Variants in RIT2 observed in about 807,000 individuals in gnomAD.
The protein encoded by RIT2 is Ras like without CAAX 2.
In RIT2, 24 loss-of-function variants were observed where a neutral mutation model predicts 23.7. The observed-to-expected ratio is 1.01, with a 90% CI of 0.73 to 1.43. The LOEUF (loss-of-function observed/expected upper bound fraction) is 1.43. RIT2 is among the 40% of genes most tolerant of loss of function. The pLI is 0.00. For missense variants in RIT2, 236 were observed against 266.9 expected, an observed-to-expected ratio of 0.88 and a Z score of 0.81; for synonymous variants, 107 against 91.1, an observed-to-expected ratio of 1.17 and a Z score of -0.99.
chr18:42,892,551 G>C (rs550612811), intron 4 of RIT2, among the ~76,000 whole-genome samples: 2 of 152,184 alleles, frequency 1.3e-5, no homozygotes, highest in South Asian at 4.1e-4. Context: ...TGTGCTGCCT[G>C]ATTCACATTC....
chr18:42,911,091 A>G (rs1908757806), intron 4 of RIT2, among the ~76,000 whole-genome samples: 1 of 152,106 alleles, frequency 6.6e-6, no homozygotes, highest in South Asian at 2.1e-4. Context: ...ATGATCTCTG[A>G]CCACAATGTA....
chr18:42,952,636 G>A (rs899192339), intron 3 of RIT2, among the ~76,000 whole-genome samples: 12 of 151,994 alleles, frequency 7.9e-5, no homozygotes, highest in East Asian at 1.9e-4. Flanking sequence ...GATGTATACT[G>A]TACAGCCGTT....
intron 4 of RIT2, among the ~76,000 whole-genome samples, chr18:42,776,998 T>G (rs1487001500): frequency 1.3e-5 from 2 of 151,992 alleles, no homozygotes; most frequent in Non-Finnish European, 2.9e-5. Flanking sequence ...AGGGTGGTGG[T>G]AGAAAAGATG....
At chr18:42,757,424 G>A (rs554456852) in intron 4 of RIT2, among the ~76,000 whole-genome samples, 1 of 152,234 alleles carries the variant, frequency 6.6e-6, no homozygotes, top group Admixed American at 6.5e-5. Context: ...TTCCCCAGAG[G>A]TATCTTGGGC....
intron 4 of RIT2, among the ~76,000 whole-genome samples, chr18:42,802,461 G>A (rs1905566053): frequency 6.6e-6 from 1 of 152,152 alleles, no homozygotes; most frequent in Non-Finnish European, 1.5e-5. Context: ...TTTAGGCATT[G>A]TGTTTTACGG....
chr18:42,907,121 T>A, intron 4 of RIT2, among the ~76,000 whole-genome samples: 1 of 152,212 alleles, frequency 6.6e-6, no homozygotes. Context: ...AGAAAAAATT[T>A]GTTTCTGATT....
Position 42,923,694 on chromosome 18 carries a change from T to A in RIT2, c.304A>T (p.Thr102Ser). ...GCCTCCTGAAATGATTGACGGTCAG[T>A]GACGGAGTAGCAGATGATGAAGCCT... ...GEGFIICYSV[T>S]DRQSFQEAAK... The change falls in exon 4 of 5, where the codon ACT (threonine) becomes TCT (serine). Residue 102 changes from threonine (T) to serine (S), a missense_variant. By Grantham distance (58) the Thr-to-Ser change is moderately conservative. Coordinates refer to ENST00000326695, the MANE Select transcript of RIT2 (RefSeq NM_002930.4). 6.2e-7 allele frequency: 1 copy of A among 1,612,856 alleles called. No individual in the cohort carries two copies. The highest frequency in any genetic ancestry group is 8.5e-7 in the Non-Finnish European group (1 of 1,179,624).
chr18:43,037,378 A>C (rs958275149), intron 1 of RIT2, among the ~76,000 whole-genome samples: 1 of 152,192 alleles, frequency 6.6e-6, no homozygotes, highest in Non-Finnish European at 1.5e-5. Flanking sequence ...TGGTCTGATC[A>C]AAGTTATAAT....
chr18:43,011,929 C>T (rs72899275), intron 2 of RIT2, among the ~76,000 whole-genome samples: 4,122 of 151,828 alleles, frequency 0.027, 76 homozygotes, highest in Non-Finnish European at 0.041. Context: ...ATTTGAGTAT[C>T]AAATTAAAAG....
intron 4 of RIT2, among the ~76,000 whole-genome samples, chr18:42,891,990 G>A (rs144376243): frequency 6.6e-6 from 1 of 152,090 alleles, no homozygotes; most frequent in East Asian, 1.9e-4. Flanking sequence ...TATGTGTGAG[G>A]GCAGGGGGTG....
At chr18:43,055,643 GT>G (rs1360382622) in intron 1 of RIT2, among the ~76,000 whole-genome samples, 1 of 152,056 alleles carries the variant, frequency 6.6e-6, no homozygotes, top group Non-Finnish European at 1.5e-5. Flanking sequence ...GTTCTTCACT[GT>G]GTTTGAGAAA....
At position 42,974,161 on chromosome 18, in the gene RIT2, G is replaced by T. The variant is rs771085510; in HGVS notation, c.161-14C>A. 1.9e-6 allele frequency: 3 copies of T among 1,583,366 alleles called. No homozygotes were observed. Among genetic ancestry groups the T allele is most frequent in the South Asian group, 2.2e-5 (2 of 89,734 alleles). On this transcript the variant is annotated splice_polypyrimidine_tract_variant and intron_variant, in intron 2 of 4. Coordinates refer to ENST00000326695, the MANE Select transcript of RIT2 (RefSeq NM_002930.4). ...TATAAGCATCTTCTGAAAAACACAA[G>T]ACAACATTTACATTTAAATGTGACA... is the stretch of plus-strand genomic sequence containing the variant.
At chr18:43,019,160 A>G (rs763101705) in intron 2 of RIT2, among the ~76,000 whole-genome samples, 12 of 151,972 alleles carry the variant, frequency 7.9e-5, no homozygotes, top group Non-Finnish European at 1.5e-4. Flanking sequence ...TTACTTCACT[A>G]GTAAATACAC....
At chr18:42,797,428 GA>G (rs973111300) in intron 4 of RIT2, among the ~76,000 whole-genome samples, 15 of 145,204 alleles carry the variant, frequency 1.0e-4, no homozygotes, top group South Asian at 4.4e-4. Flanking sequence ...CTTATCAGAA[GA>G]AAAAAAAAAT....
intron 4 of RIT2, among the ~76,000 whole-genome samples, chr18:42,863,082 G>T (rs2144052047): frequency 6.6e-6 from 1 of 150,982 alleles, no homozygotes; most frequent in South Asian, 2.1e-4. Context: ...ACAACAAGAT[G>T]AGGCATTTTA....
chr18:42,893,956 T>G (rs1908252880), intron 4 of RIT2, among the ~76,000 whole-genome samples: 1 of 152,198 alleles, frequency 6.6e-6, no homozygotes, highest in South Asian at 2.1e-4. Context: ...CTTCACAAAA[T>G]TATTACATTT....
chr18:43,026,211 G>A (rs556001506), intron 2 of RIT2, among the ~76,000 whole-genome samples: 4 of 151,936 alleles, frequency 2.6e-5, no homozygotes, highest in Non-Finnish European at 5.9e-5. Context: ...AATCAAGAAA[G>A]AGTCAAAGGT....
At chr18:42,772,235 T>C (rs1486084880) in intron 4 of RIT2, among the ~76,000 whole-genome samples, 1 of 152,116 alleles carries the variant, frequency 6.6e-6, no homozygotes, top group African/African-American at 2.4e-5. Context: ...TCCTTCAGAA[T>C]TTCTCCTTGA....
At chr18:43,037,491 G>A (rs1015360010) in intron 1 of RIT2, among the ~76,000 whole-genome samples, 1 of 152,126 alleles carries the variant, frequency 6.6e-6, no homozygotes, top group Non-Finnish European at 1.5e-5. Context: ...GTATATTACA[G>A]TGCTGGATTT....
Sources: gnomAD v4.1 joint callset for allele counts (sites outside exome capture counted in the v4.1 genomes callset) on GRCh38, gnomAD v4.1.1 for gene constraint, MANE v1.5 for transcripts, NCBI Gene and HGNC (gene_info 2026-07-23, HGNC 2026-07-21) for gene names.